The following RFC1 variants were observed in gnomAD, a reference collection of about 807,000 sequenced individuals.
The protein encoded by RFC1 is replication factor C subunit 1.
A neutral mutation model predicts 137.4 loss-of-function variants in RFC1; 37 were observed. The ratio of observed to expected loss-of-function variants is 0.27; its 90% CI spans 0.21 to 0.35. The LOEUF (loss-of-function observed/expected upper bound fraction) is 0.35, where lower values mean the gene tolerates loss of function less well. RFC1 is among the 10% of genes least tolerant of loss of function. The probability of loss-of-function intolerance (pLI) is 1.00; values close to 1 mark genes in which losing one functional copy is unlikely to be tolerated. For synonymous variants in RFC1, 429 were observed against 455.7 expected (o/e 0.94, Z 0.75); for missense variants, 1,205 against 1,358.5 (o/e 0.89, Z 1.78).
At chr4:39,303,622 T>C (rs1738486176) in intron 15 of RFC1, among the ~76,000 whole-genome samples, 1 of 152,144 alleles carries the variant, frequency 6.6e-6, no homozygotes, top group South Asian at 2.1e-4. Flanking sequence ...CCCAGCTAAT[T>C]TTTGTATTTT....
chr4:39,361,374 G>A (rs564298395), intron 1 of RFC1, among the ~76,000 whole-genome samples: 16 of 152,250 alleles, frequency 1.1e-4, no homozygotes, highest in Non-Finnish European at 1.9e-4. Flanking sequence ...GGGTAACAGC[G>A]CGACTGCGTT....
intron 10 of RFC1, among the ~76,000 whole-genome samples, chr4:39,316,195 A>C (rs1334675303): frequency 1.3e-5 from 2 of 152,204 alleles, no homozygotes; most frequent in Non-Finnish European, 2.9e-5. Context: ...GCGCCACTGC[A>C]CTCCAGCCTG....
intron 1 of RFC1, among the ~76,000 whole-genome samples, chr4:39,358,135 C>G (rs983471937): frequency 1.3e-5 from 2 of 151,862 alleles, no homozygotes; most frequent in African/African-American, 4.8e-5. Context: ...AATAGCCAGG[C>G]ATGGTGGTGC....
chr4:39,302,285 A>G lies in RFC1; in HGVS notation c.2528T>C (p.Ile843Thr). The change falls in exon 19 of 25, where the codon ATC becomes ACC. Residue 843 changes from isoleucine (I) to threonine (T), a missense_variant. By Grantham distance (89) the Ile-to-Thr change is moderately conservative (BLOSUM62 -1). This residue lies in a region of RFC1 where 962 missense variants were observed against 1,035.3 expected (regional missense o/e 0.93). Transcript: ENST00000349703. Reference protein sequence around the residue: ...KADSHRAKKDIKMGPFDVARK... With the variant: ...KADSHRAKKDTKMGPFDVARK... ...CATGGACATTTATTTTACCATTTTG[A>G]TATCCTTTTTGGCTCTGTGAGAATC... 4 of 1,602,642 alleles carry G rather than the reference A, an allele frequency of 2.5e-6. No individual in the cohort carries two copies. Among genetic ancestry groups the G allele is most frequent in the Non-Finnish European group, 3.4e-6 (4 of 1,169,662 alleles).
intron 2 of RFC1, among the ~76,000 whole-genome samples, chr4:39,347,856 T>C (rs766995650): frequency 3.9e-4 from 60 of 152,164 alleles, no homozygotes; most frequent in Non-Finnish European, 7.9e-4. Flanking sequence ...TTATTGGAAA[T>C]TGGAAGAAAG....
At position 39,336,116 on chromosome 4, in the gene RFC1, C is replaced by T. The variant is rs374089957; in HGVS notation, c.331+6229G>A. Among the ~76,000 whole-genome samples, 4 of 152,018 alleles carry T rather than the reference C, an allele frequency of 2.6e-5. No homozygotes were observed. In the East Asian group the frequency reaches 7.7e-4, roughly 29 times the overall value. On this transcript the variant is annotated intron_variant, in intron 4 of 24. Transcript: ENST00000349703. Reference sequence around the variant, plus strand: ...TCTCCATATGCCACTTAATTTTTTTCAGGTCCCATAATACACACTAATAAA... The same window carrying T: ...TCTCCATATGCCACTTAATTTTTTTTAGGTCCCATAATACACACTAATAAA...
intron 22 of RFC1, 21 bp downstream of exon 22, chr4:39,295,593 A>C: frequency 1.9e-6 from 3 of 1,573,752 alleles, no homozygotes; most frequent in Non-Finnish European, 2.6e-6. Flanking sequence ...AAAATACCCG[A>C]AACAGAGTAA....
chr4:39,302,867 A>G lies in RFC1; in HGVS notation c.2210T>C (p.Ile737Thr). ...NEDRGGIQELIGLIKHTKIPI... is the reference protein window; with the variant it reads ...NEDRGGIQELTGLIKHTKIPI... ...AATTTTAGTATGTTTTATCAGGCCAATTAATTCCTGAAAGGCAAGTTTGCA... is the reference window on the plus strand; with the variant it reads ...AATTTTAGTATGTTTTATCAGGCCAGTTAATTCCTGAAAGGCAAGTTTGCA... The change falls in exon 17 of 25, where the codon ATT (isoleucine) becomes ACT (threonine). Residue 737 changes from isoleucine (I) to threonine (T), a missense_variant. Coordinates refer to ENST00000349703, the MANE Select transcript of RFC1 (RefSeq NM_002913.5). 6.3e-7 allele frequency: 1 copy of G among 1,579,072 alleles called. No homozygotes were observed. The highest frequency in any genetic ancestry group is 1.2e-5 in the South Asian group (1 of 85,270).
chr4:39,362,808 G>A (rs532812649), intron 1 of RFC1, among the ~76,000 whole-genome samples: 9 of 152,340 alleles, frequency 5.9e-5, no homozygotes, highest in South Asian at 4.1e-4. Context: ...ACAAAAGCCC[G>A]GAGAGAAACA....
chr4:39,346,559 T>C (rs1171015077), intron 2 of RFC1, among the ~76,000 whole-genome samples: 1 of 151,604 alleles, frequency 6.6e-6, no homozygotes, highest in East Asian at 1.9e-4. Flanking sequence ...ATTTCTAACA[T>C]ATTCAAATTT....
chr4:39,348,464 G>C, intron 2 of RFC1, among the ~76,000 whole-genome samples: 1 of 140,016 alleles, frequency 7.1e-6, no homozygotes, highest in African/African-American at 2.6e-5. Flanking sequence ...GAAAAGAAAA[G>C]AAAAGAAAAG....
chr4:39,313,021 T>C, intron 10 of RFC1, 90 bp from the exon 11 acceptor site: 1 of 1,088,306 alleles, frequency 9.2e-7, no homozygotes, highest in African/African-American at 1.6e-5. Flanking sequence ...AGTTGATTTT[T>C]CTCATTTCAC....
chr4:39,351,920 A>C (rs957029031), intron 1 of RFC1, among the ~76,000 whole-genome samples: 4 of 148,352 alleles, frequency 2.7e-5, no homozygotes, highest in Non-Finnish European at 5.9e-5. Flanking sequence ...CCCAGGTAAC[A>C]CCACTGCACT....
chr4:39,366,224 C>T lies in RFC1; in HGVS notation c.3+15G>A, dbSNP rs890481320. The T allele has an allele frequency of 3.3e-5, 51 of 1,552,788 alleles. No individual in the cohort carries two copies. Among genetic ancestry groups the T allele is most frequent in the Non-Finnish European group, 4.4e-5 (50 of 1,148,164 alleles). On this transcript the variant is annotated intron_variant, in intron 1 of 24. Transcript: ENST00000349703. ...CCCCAGACCCCGAGCCGCACGGCCT[C>T]CCCCAGCGGCTCACCATCGCAGCCC...
chr4:39,318,514 C>A (rs1390276949), intron 9 of RFC1, among the ~76,000 whole-genome samples: 1 of 152,212 alleles, frequency 6.6e-6, no homozygotes, highest in African/African-American at 2.4e-5. Context: ...TTGACCAAGA[C>A]CAACTAAATG....
chr4:39,364,080 TA>T (rs34471101), intron 1 of RFC1, among the ~76,000 whole-genome samples: 61,032 of 122,000 alleles, frequency 0.5, 14,713 homozygotes, highest in Non-Finnish European at 0.54. Flanking sequence ...ACCTTGCCTT[TA>T]AAAAAAAAAA....
rs574358302 is a variant in RFC1, at chr4:39,323,234, C to A, written c.720+106G>T. 1,695 of 694,214 alleles carry A rather than the reference C, an allele frequency of 2.4e-3. 3 individuals are homozygous for A. Among genetic ancestry groups the A allele is most frequent in the Non-Finnish European group, 3.4e-3 (1,535 of 454,650 alleles). The allele number at this position is 694,214 out of a possible 1,614,324, so 43.0% of individuals were successfully genotyped here. A position where few individuals can be genotyped will look rare whatever the true frequency, so the allele number is the denominator to read the frequency against. ...ACATTTTTATAAAATAATTTAATTT[C>A]TTTCTGGAAAAGTTATTCATGTTTT... is the stretch of plus-strand genomic sequence containing the variant. On this transcript the variant is annotated intron_variant, in intron 7 of 24. Coordinates refer to ENST00000349703, the MANE Select transcript of RFC1 (RefSeq NM_002913.5).
At chr4:39,340,327 C>A (rs568258565) in intron 4 of RFC1, among the ~76,000 whole-genome samples, 1 of 152,294 alleles carries the variant, frequency 6.6e-6, no homozygotes, top group East Asian at 1.9e-4. Context: ...TGTCATATGA[C>A]ACTTTTTCAC....
chr4:39,322,647 C>T (rs1739574004), intron 7 of RFC1, among the ~76,000 whole-genome samples: 1 of 152,094 alleles, frequency 6.6e-6, no homozygotes, highest in African/African-American at 2.4e-5. Flanking sequence ...GGCACAGAAG[C>T]TCATGCTTCT....
Sources: allele counts gnomAD v4.1 joint callset (sites outside exome capture counted in the v4.1 genomes callset), GRCh38; gene constraint gnomAD v4.1.1; regional missense constraint gnomAD v4.1.1; transcripts MANE v1.5; gene names NCBI Gene and HGNC (gene_info 2026-07-23, HGNC 2026-07-21).